Variants in LAMA3 observed in about 807,000 individuals in gnomAD.
LAMA3 encodes laminin subunit alpha 3.
In LAMA3, 281 loss-of-function variants were observed where a neutral mutation model predicts 402.0. The ratio of observed to expected loss-of-function variants is 0.70; its 90% confidence interval spans 0.63 to 0.77. The LOEUF (loss-of-function observed/expected upper bound fraction) is 0.77. Among genes scored for constraint, LAMA3 ranks in the 30% least tolerant of loss-of-function variants. The probability of loss-of-function intolerance (pLI) is 0.00; values close to 1 mark genes in which losing one functional copy is unlikely to be tolerated. For synonymous variants in LAMA3, 1,431 were observed against 1,558.4 expected, an observed-to-expected ratio of 0.92 and a Z score of 1.93; for missense variants, 3,840 against 4,215.5, an observed-to-expected ratio of 0.91 and a Z score of 2.47.
intron 59 of LAMA3, among the ~76,000 whole-genome samples, chr18:23,916,049 A>C (rs9952933): frequency 5.3e-5 from 1 of 18,978 alleles, no homozygotes; most frequent in East Asian, 4.8e-4. Flanking sequence ...AAAGAAAAAG[A>C]AAAAGAAAAG....
chr18:23,800,829 G>A (rs2062852809), intron 12 of LAMA3, among the ~76,000 whole-genome samples: 4 of 151,846 alleles, frequency 2.6e-5, no homozygotes. Flanking sequence ...TGTCCTTCAG[G>A]CTCATCCGTG....
chr18:23,891,760 G>C (rs563552113), intron 42 of LAMA3, among the ~76,000 whole-genome samples: 2 of 152,204 alleles, frequency 1.3e-5, no homozygotes, highest in Non-Finnish European at 2.9e-5. Flanking sequence ...GTCAGTGCAG[G>C]GTAGGTTAGA....
At chr18:23,912,905 CTT>C in intron 56 of LAMA3, 24 bp downstream of exon 56, 2 of 1,602,948 alleles carry the variant, frequency 1.2e-6, no homozygotes, top group Non-Finnish European at 1.7e-6. Context: ...GGACATCTCT[CTT>C]GTTTTTGAAA....
At chr18:23,900,011 G>A (rs926621824) in intron 47 of LAMA3, among the ~76,000 whole-genome samples, 1 of 152,036 alleles carries the variant, frequency 6.6e-6, no homozygotes, top group African/African-American at 2.4e-5. Flanking sequence ...TATATCGAAG[G>A]TAATTTTATA....
intron 12 of LAMA3, among the ~76,000 whole-genome samples, chr18:23,799,738 GGAGA>G (rs60652911): frequency 6.6e-6 from 1 of 151,406 alleles, no homozygotes; most frequent in African/African-American, 2.4e-5. Context: ...GTGTACGTAT[GGAGA>G]GAGAGAGAGA....
intron 44 of LAMA3, among the ~76,000 whole-genome samples, chr18:23,896,019 G>A (rs1487274766): frequency 4.6e-5 from 7 of 152,210 alleles, no homozygotes; most frequent in Middle Eastern, 3.4e-3. Context: ...TCCTTGTGAC[G>A]TATCTGTAAC....
chr18:23,827,597 C>T (rs1193296607), intron 23 of LAMA3, 130 bp downstream of exon 23: 2 of 1,035,808 alleles, frequency 1.9e-6, no homozygotes, highest in Non-Finnish European at 2.8e-6. Flanking sequence ...TGTTTATCAA[C>T]ATTTGCTGAA....
At position 23,724,495 on chromosome 18, in the gene LAMA3, C is replaced by T. The variant is rs191736851; in HGVS notation, c.447+10423C>T. 1.0e-3 allele frequency among the ~76,000 whole-genome samples: 158 copies of T among 151,728 alleles called. 1 individual carries two copies. Among genetic ancestry groups the T allele is most frequent in the African/African-American group, 3.6e-3 (151 of 41,536 alleles). On this transcript the variant is annotated intron_variant, in intron 2 of 74. Transcript: ENST00000313654. ...TGCCCTATCTCACCCCCTGCCACCCCGTCCCCCTGATATGAGCTTCTGACT... is the reference window on the plus strand; with the variant it reads ...TGCCCTATCTCACCCCCTGCCACCCTGTCCCCCTGATATGAGCTTCTGACT...
intron 12 of LAMA3, among the ~76,000 whole-genome samples, chr18:23,791,852 G>A (rs4800168): frequency 0.23 from 35,132 of 151,104 alleles, 5,935 homozygotes; most frequent in East Asian, 0.64. Flanking sequence ...CATTCTTCAT[G>A]TGAGTGGTAA....
At chr18:23,744,500 T>C (rs182646014) in intron 2 of LAMA3, among the ~76,000 whole-genome samples, 1 of 152,216 alleles carries the variant, frequency 6.6e-6, no homozygotes, top group Admixed American at 6.5e-5. Flanking sequence ...GGCACATCAA[T>C]TGCTGCTAGA....
intron 2 of LAMA3, among the ~76,000 whole-genome samples, chr18:23,746,626 T>C (rs2061655565): frequency 6.6e-6 from 1 of 152,152 alleles, no homozygotes. Context: ...TAATAAAATA[T>C]ATTTATGCTA....
In LAMA3 at chr18:23,850,059, A is replaced by G. The variant is rs567261488; in HGVS notation, c.4136+2391A>G. Among the ~76,000 whole-genome samples the G allele has an allele frequency of 2.2e-4, 34 of 152,286 alleles. 1 individual carries two copies. Among genetic ancestry groups the G allele is most frequent in the Non-Finnish European group, 4.7e-4 (32 of 68,020 alleles). On this transcript the variant is annotated intron_variant, in intron 32 of 74. Transcript: ENST00000313654. ...AAAACTATTTTTTTCCTCCTTAGAA[A>G]ATTTCCTTTATGAAGAATATGTTTA...
intron 8 of LAMA3, among the ~76,000 whole-genome samples, chr18:23,766,563 C>T (rs1479888934): frequency 2.0e-5 from 3 of 152,112 alleles, no homozygotes; most frequent in Admixed American, 1.3e-4. Context: ...CTTGGCTGGG[C>T]GTGGTGGCTC....
chr18:23,939,112 C>A, intron 67 of LAMA3, 111 bp from the exon 68 acceptor site: 1 of 1,143,016 alleles, frequency 8.7e-7, no homozygotes, highest in Non-Finnish European at 1.3e-6. Flanking sequence ...CTTCTATTGC[C>A]CTACTGAATT....
rs558307224 is a variant in LAMA3 at position 23,881,131 on chromosome 18, C to A, written c.5113-805C>A. Among the ~76,000 whole-genome samples the A allele has an allele frequency of 4.1e-4, 62 of 152,120 alleles. 1 individual carries two copies. Among genetic ancestry groups the A allele is most frequent in the African/African-American group, 1.4e-3 (60 of 41,470 alleles). ...CACCAAGAAAATAAACAAATTTGACCCAATCCACTAGGTTTTGTCTCAATA... is the reference window on the plus strand; with the variant it reads ...CACCAAGAAAATAAACAAATTTGACACAATCCACTAGGTTTTGTCTCAATA... On this transcript the variant is annotated intron_variant, in intron 39 of 74. Transcript: ENST00000313654.
intron 34 of LAMA3, among the ~76,000 whole-genome samples, chr18:23,860,158 C>T (rs1367002559): frequency 6.6e-6 from 1 of 152,078 alleles, no homozygotes; most frequent in Non-Finnish European, 1.5e-5. Flanking sequence ...CTTGTTATGT[C>T]ACAATATCAC....
intron 2 of LAMA3, among the ~76,000 whole-genome samples, chr18:23,716,334 T>C (rs2061098948): frequency 6.6e-6 from 1 of 152,164 alleles, no homozygotes; most frequent in Non-Finnish European, 1.5e-5. Context: ...ACTTTTTGTA[T>C]TTTAAGTAGA....
intron 3 of LAMA3, among the ~76,000 whole-genome samples, chr18:23,748,874 G>A (rs1366881612): frequency 6.6e-6 from 1 of 152,194 alleles, no homozygotes. Flanking sequence ...CAGAAATGAA[G>A]TAGAAACTCC....
intron 32 of LAMA3, among the ~76,000 whole-genome samples, chr18:23,857,371 G>A (rs747767100): frequency 2.0e-5 from 3 of 152,198 alleles, no homozygotes; most frequent in Non-Finnish European, 4.4e-5. Flanking sequence ...TACACACTGA[G>A]TGATCTCCCG....
Sources: allele counts gnomAD v4.1 joint callset (sites outside exome capture counted in the v4.1 genomes callset), GRCh38; gene constraint gnomAD v4.1.1; transcripts MANE v1.5; gene names NCBI Gene and HGNC (gene_info 2026-07-23, HGNC 2026-07-21).